AGAP3: variants seen among roughly 807,000 people sequenced by gnomAD.
The protein encoded by AGAP3 is arf-GAP with GTPase, ANK repeat and PH domain-containing protein 3.
AGAP3 carries 24 observed loss-of-function variants against 96.9 expected under a neutral mutation model. That is an observed-to-expected ratio of 0.25 (90% CI 0.18 to 0.35). The LOEUF is 0.35. Among genes scored for constraint, AGAP3 ranks in the 10% least tolerant of loss-of-function variants. The pLI, the probability that AGAP3 is intolerant of heterozygous loss-of-function variation, is 1.00. For missense variants in AGAP3, 876 were observed against 1,254.2 expected, an observed-to-expected ratio of 0.70 and a Z score of 4.55; for synonymous variants, 563 against 536.1, an observed-to-expected ratio of 1.05 and a Z score of -0.69.
rs1055185418 is a variant in AGAP3, at chr7:151,108,692, A to G, written c.332-8101A>G. 5.9e-5 allele frequency among the ~76,000 whole-genome samples: 9 copies of G among 152,308 alleles called. No homozygotes were observed. In the South Asian group the frequency reaches 1.9e-3, roughly 32 times the overall value. On this transcript the variant is annotated intron_variant, in intron 1 of 17. Coordinates refer to ENST00000397238, the MANE Select transcript of AGAP3 (RefSeq NM_031946.7). The surrounding 1 kb of genome is among the most constrained non-coding windows in gnomAD (Gnocchi z 4.2). ...TCTGCTTGCCCTGAATGCACTTAGT[A>G]AGCACTCAAAAAATAATGTGAAATG...
chr7:151,120,468 G>A (rs997641671), intron 8 of AGAP3: 1 of 654,118 alleles, frequency 1.5e-6, no homozygotes, highest in African/African-American at 1.8e-5. Context: ...GAGCTTGAAA[G>A]TATCCTTGGA....
In AGAP3 at chr7:151,086,694, T is replaced by G. The variant is rs868147782; in HGVS notation, c.-48T>G. On this transcript the variant is annotated 5_prime_UTR_variant, in exon 1 of 18. Transcript: ENST00000397238. ...TGCCGCCGCCGCCGCCGCCGCCGCC[T>G]CCGCCGCGCCGCCCCGGGCCCGCCT... 4 of 215,810 alleles carry G rather than the reference T, an allele frequency of 1.9e-5. No homozygotes were observed. Among genetic ancestry groups the G allele is most frequent in the Non-Finnish European group, 2.2e-5 (3 of 139,346 alleles). 13.4% of individuals were successfully genotyped at this position (215,810 alleles called of 1,614,324 possible).
intron 10 of AGAP3, among the ~76,000 whole-genome samples, chr7:151,132,874 T>C (rs999384156): frequency 2.6e-5 from 4 of 152,202 alleles, no homozygotes; most frequent in African/African-American, 9.6e-5. Context: ...GCCCTTCCAC[T>C]GCTTCCCAAG....
intron 1 of AGAP3, among the ~76,000 whole-genome samples, chr7:151,095,349 C>T (rs1156915168): frequency 5.3e-5 from 8 of 152,204 alleles, no homozygotes; most frequent in African/African-American, 1.9e-4. Context: ...CATACCGTAG[C>T]CCCAGATGGC....
Position 151,114,613 on chromosome 7 carries a change from T to A in AGAP3, c.332-2180T>A. ...GGCTGACTCCCGGCCTCTCCAGGTC[T>A]GGGCTTGCCGGCCGCGAGGTGGAGG... On this transcript the variant is annotated intron_variant, in intron 1 of 17. Transcript: ENST00000397238. This position sits in a 1 kb window ranked among gnomAD's most constrained non-coding sequence, Gnocchi z 4.4. The A allele has an allele frequency of 8.6e-6, 6 of 696,642 alleles. No individual in the cohort carries two copies. Among genetic ancestry groups the A allele is most frequent in the Non-Finnish European group, 8.9e-6 (5 of 564,206 alleles). The allele number at this position is 696,642 out of a possible 1,614,324, so 43.2% of individuals were successfully genotyped here.
In AGAP3 at chr7:151,117,960, C is replaced by T. The variant is rs918551759; in HGVS notation, c.706+183C>T. 11 of 949,254 alleles carry T rather than the reference C, an allele frequency of 1.2e-5. No homozygotes were observed. The African/African-American group carries it at 1.8e-4, about 16-fold the overall frequency. The allele number at this position is 949,254 out of a possible 1,614,324, so 58.8% of individuals were successfully genotyped here. Reference sequence around the variant, plus strand: ...GGGCTTTTGCCCCCACTGAAACCTGCTGTCCCTGTGACTAGCAGGTCTGTG... The same window carrying T: ...GGGCTTTTGCCCCCACTGAAACCTGTTGTCCCTGTGACTAGCAGGTCTGTG... On this transcript the variant is annotated intron_variant, in intron 5 of 17. Coordinates refer to ENST00000397238, the MANE Select transcript of AGAP3 (RefSeq NM_031946.7).
intron 8 of AGAP3, among the ~76,000 whole-genome samples, chr7:151,121,508 G>C (rs908627212): frequency 1.3e-5 from 2 of 151,876 alleles, no homozygotes; most frequent in Non-Finnish European, 2.9e-5. Context: ...CCTTCCCCTC[G>C]TTGGCAAGCT....
intron 1 of AGAP3, among the ~76,000 whole-genome samples, chr7:151,107,655 A>C (rs917249319): frequency 1.5e-4 from 23 of 152,090 alleles, no homozygotes; most frequent in African/African-American, 4.6e-4. Context: ...TTTGTAAAAA[A>C]TACAAAGGCA....
chr7:151,105,792 C>CCACACACACACACACACACACACACA (rs60071807), intron 1 of AGAP3, among the ~76,000 whole-genome samples: 34 of 26,918 alleles, frequency 1.3e-3, no homozygotes, highest in African/African-American at 4.6e-3. Flanking sequence ...CCCCCCGACA[C>CCACACACACACACACACACACACACA]CACACACACA....
At chr7:151,129,921 G>C (rs989175521) in intron 10 of AGAP3, among the ~76,000 whole-genome samples, 1 of 152,222 alleles carries the variant, frequency 6.6e-6, no homozygotes, top group Non-Finnish European at 1.5e-5. Context: ...CTGTTGAAAG[G>C]CTCCAAGGCT....
chr7:151,115,087 C>A, intron 1 of AGAP3: 1 of 1,029,026 alleles, frequency 9.7e-7, no homozygotes, highest in South Asian at 3.4e-5. Flanking sequence ...GCGTCCAGCC[C>A]CGCGCCGACC....
chr7:151,123,524 GCTC>G, intron 8 of AGAP3: 3 of 1,274,392 alleles, frequency 2.4e-6, no homozygotes, highest in Non-Finnish European at 3.0e-6. Flanking sequence ...CCCCGGGCGT[GCTC>G]CTCGCGCCCT....
intron 1 of AGAP3, among the ~76,000 whole-genome samples, chr7:151,105,126 T>G (rs923312248): frequency 6.6e-6 from 1 of 152,214 alleles, no homozygotes; most frequent in Non-Finnish European, 1.5e-5. Context: ...TTAAAAAAGA[T>G]TGGCAGAGTG....
intron 8 of AGAP3, chr7:151,122,671 T>C: frequency 4.4e-6 from 7 of 1,608,850 alleles, no homozygotes; most frequent in Non-Finnish European, 5.9e-6. Flanking sequence ...CTGACCGACT[T>C]GTGCGGGGCT....
At chr7:151,097,653 A>G (rs918017739) in intron 1 of AGAP3, among the ~76,000 whole-genome samples, 2 of 152,082 alleles carry the variant, frequency 1.3e-5, no homozygotes, top group Admixed American at 1.3e-4. Flanking sequence ...GGCAGAAAGC[A>G]AAGCAGGAAT....
At chr7:151,120,824 C>T in intron 8 of AGAP3, 1 of 1,163,768 alleles carries the variant, frequency 8.6e-7, no homozygotes, top group Admixed American at 3.9e-5. Flanking sequence ...GTTGTGCTGG[C>T]CCGGCTGAGG....
intron 8 of AGAP3, chr7:151,121,147 C>A: frequency 6.4e-6 from 1 of 157,310 alleles, no homozygotes; most frequent in Non-Finnish European, 1.4e-5. Flanking sequence ...CTCATCCTCG[C>A]CTCTGCCTGC....
intron 1 of AGAP3, among the ~76,000 whole-genome samples, chr7:151,110,856 G>A (rs77955986): frequency 0.028 from 4,248 of 152,250 alleles, 188 homozygotes; most frequent in East Asian, 0.21. Flanking sequence ...TGGCTTGTGC[G>A]GCTCCAGAGC....
At chr7:151,138,916 C>T (rs1291638129) in intron 12 of AGAP3, among the ~76,000 whole-genome samples, 4 of 152,258 alleles carry the variant, frequency 2.6e-5, no homozygotes, top group East Asian at 1.9e-4. Flanking sequence ...GTGACTCCAC[C>T]GCCTCTCCCG....
Sources: allele counts gnomAD v4.1 joint callset (sites outside exome capture counted in the v4.1 genomes callset), GRCh38; gene constraint gnomAD v4.1.1; non-coding constraint Gnocchi (gnomAD v3.1); transcripts MANE v1.5; gene names NCBI Gene and HGNC (gene_info 2026-07-23, HGNC 2026-07-21).